The following ACBD6 variants were observed in gnomAD, a reference collection of about 807,000 sequenced individuals.
ACBD6 encodes acyl-CoA binding domain containing 6.
A neutral mutation model predicts 37.2 loss-of-function variants in ACBD6; 28 were observed. That is an observed-to-expected ratio of 0.75 (90% CI 0.56 to 1.03). The LOEUF (loss-of-function observed/expected upper bound fraction) is 1.03. Ranked by LOEUF, ACBD6 falls within the 50% of genes least tolerant of loss-of-function variation. The pLI is 0.00. For synonymous variants in ACBD6, 113 were observed against 126.8 expected (o/e 0.89, Z 0.73); for missense variants, 340 against 337.4 (o/e 1.01, Z -0.06).
At chr1:180,341,116 G>A (rs1450700392) in intron 6 of ACBD6, among the ~76,000 whole-genome samples, 1 of 152,038 alleles carries the variant, frequency 6.6e-6, no homozygotes, top group African/African-American at 2.4e-5. Flanking sequence ...TCTGCTTTCT[G>A]AAAGTCTACT....
rs1246377510 is a variant in ACBD6 at position 180,435,231 on chromosome 1, G to C, written c.385-4969C>G. 3.0e-6 allele frequency: 2 copies of C among 672,430 alleles called. 1 individual carries two copies. The highest frequency in any genetic ancestry group is 5.9e-5 in the East Asian group (2 of 34,122). The allele number at this position is 672,430 out of a possible 1,614,324, so 41.7% of individuals were successfully genotyped here. A position where few individuals can be genotyped will look rare whatever the true frequency, so the allele number is the denominator to read the frequency against. On this transcript the variant is annotated intron_variant, in intron 3 of 7. Coordinates refer to ENST00000367595, the MANE Select transcript of ACBD6 (RefSeq NM_032360.4). ...GGGTACTCTGGTGCTGGGTTACGAG[G>C]GCTGGCTGGCCGGCTACCAGATGCA...
In ACBD6 at chr1:180,301,028, T is replaced by C. The variant is rs1451865524; in HGVS notation, c.695-12511A>G. 2.6e-5 allele frequency among the ~76,000 whole-genome samples: 4 copies of C among 152,168 alleles called. No homozygotes were observed. In the East Asian group the frequency reaches 7.7e-4, roughly 29 times the overall value. On this transcript the variant is annotated intron_variant, in intron 7 of 7. Coordinates refer to ENST00000367595, the MANE Select transcript of ACBD6 (RefSeq NM_032360.4). ...GTGTCTTGGCTCTGCAACCTACAGC[T>C]TGGATTACCCTGTCAAGGTAACATC...
chr1:180,374,388 T>C (rs1243397003), intron 6 of ACBD6, among the ~76,000 whole-genome samples: 1 of 152,204 alleles, frequency 6.6e-6, no homozygotes, highest in Non-Finnish European at 1.5e-5. Context: ...TCTTCCTCAG[T>C]ACCTGAAACA....
intron 5 of ACBD6, among the ~76,000 whole-genome samples, chr1:180,404,609 C>A (rs1177046948): frequency 6.6e-6 from 1 of 152,042 alleles, no homozygotes; most frequent in East Asian, 1.9e-4. Flanking sequence ...AGGCATGTGC[C>A]ACCATGCTCA....
At chr1:180,302,002 A>C (rs1650148263) in intron 7 of ACBD6, among the ~76,000 whole-genome samples, 1 of 150,680 alleles carries the variant, frequency 6.6e-6, no homozygotes. Context: ...TGAGTGTATA[A>C]GTTTTGATAA....
intron 3 of ACBD6, among the ~76,000 whole-genome samples, chr1:180,487,435 G>T (rs577752217): frequency 1.3e-5 from 2 of 151,972 alleles, no homozygotes; most frequent in Non-Finnish European, 2.9e-5. Flanking sequence ...ACTGCATCCC[G>T]CCTAGAACAC....
intron 3 of ACBD6, among the ~76,000 whole-genome samples, chr1:180,482,781 C>A (rs1311147091): frequency 6.6e-6 from 1 of 152,096 alleles, no homozygotes; most frequent in Non-Finnish European, 1.5e-5. Context: ...ATTTAGAGCT[C>A]AGTGTTACGG....
intron 6 of ACBD6, among the ~76,000 whole-genome samples, chr1:180,377,397 A>C (rs1204827073): frequency 1.3e-5 from 2 of 152,238 alleles, no homozygotes; most frequent in African/African-American, 4.8e-5. Context: ...AGGATTGAGC[A>C]CATCTAGTGT....
intron 7 of ACBD6, 121 bp from the exon 8 acceptor site, chr1:180,288,638 G>C: frequency 8.5e-7 from 1 of 1,181,754 alleles, no homozygotes; most frequent in Admixed American, 2.0e-5. Context: ...CAATGTTACA[G>C]TGACTGAAGG....
intron 7 of ACBD6, among the ~76,000 whole-genome samples, chr1:180,295,913 A>C (rs1649898580): frequency 6.6e-6 from 1 of 152,184 alleles, no homozygotes; most frequent in South Asian, 2.1e-4. Context: ...AGTAAAAGGA[A>C]GAGTCACACA....
intron 8 of ACBD6, among the ~76,000 whole-genome samples, chr1:180,282,679 G>A (rs961789539): frequency 1.7e-4 from 26 of 152,260 alleles, no homozygotes; most frequent in African/African-American, 6.3e-4. Flanking sequence ...GTCAACTGCA[G>A]GGCTTAAAGC....
In ACBD6 at chr1:180,274,114, T is replaced by C. The variant is rs79358478; in HGVS notation, c.*937-2A>G. The C allele has an allele frequency of 1.4e-3, 2,260 of 1,584,824 alleles. 58 individuals are homozygous for C. In the East Asian group the frequency reaches 0.04, roughly 28 times the overall value. ...CATCTTTCCTGGTCATGTGTGTTCC[T>C]AGGTTGTGAAGAGCAGGGGACCATC... On this transcript the variant is annotated splice_acceptor_variant, in intron 10 of 13. Coordinates refer to the ACBD6 transcript ENST00000642319. LOFTEE classifies it low-confidence loss of function (3UTR_SPLICE).
intron 6 of ACBD6, among the ~76,000 whole-genome samples, chr1:180,373,243 T>C (rs1183008551): frequency 6.6e-6 from 1 of 152,232 alleles, no homozygotes; most frequent in Non-Finnish European, 1.5e-5. Context: ...CACTGAAATT[T>C]CTCCTAATTT....
intron 3 of ACBD6, among the ~76,000 whole-genome samples, chr1:180,469,758 T>C (rs1233950094): frequency 6.6e-6 from 1 of 152,184 alleles, no homozygotes; most frequent in Non-Finnish European, 1.5e-5. Context: ...ATGTGCAGGT[T>C]AACATTCACT....
intron 6 of ACBD6, among the ~76,000 whole-genome samples, chr1:180,371,984 T>C (rs574535820): frequency 2.0e-4 from 31 of 152,288 alleles, no homozygotes; most frequent in Admixed American, 2.0e-3. Flanking sequence ...TTCCCCACAG[T>C]CACGTGGTAG....
intron 4 of ACBD6, among the ~76,000 whole-genome samples, chr1:180,427,126 A>G (rs1020148557): frequency 1.3e-5 from 2 of 152,216 alleles, no homozygotes. Flanking sequence ...GCTCAAACTC[A>G]TAACTCATCA....
chr1:180,485,621 T>C (rs1398205254), intron 3 of ACBD6, among the ~76,000 whole-genome samples: 1 of 152,186 alleles, frequency 6.6e-6, no homozygotes, highest in African/African-American at 2.4e-5. Context: ...ACAGGGAGCA[T>C]GGCTCTACTA....
intron 7 of ACBD6, among the ~76,000 whole-genome samples, chr1:180,289,267 A>G (rs148617996): frequency 1.1e-3 from 164 of 152,346 alleles, no homozygotes; most frequent in South Asian, 3.9e-3. Flanking sequence ...TAAAGACCCA[A>G]TGATTAGATG....
intron 2 of ACBD6, among the ~76,000 whole-genome samples, chr1:180,493,264 A>AAAAAAC (rs1651586067): frequency 7.1e-6 from 1 of 141,098 alleles, no homozygotes; most frequent in Non-Finnish European, 1.5e-5. Flanking sequence ...AAAAAAAAAA[A>AAAAAAC]AAAAAAAAAA....
Sources: gnomAD v4.1 joint callset for allele counts (sites outside exome capture counted in the v4.1 genomes callset) on GRCh38, gnomAD v4.1.1 for gene constraint, MANE v1.5 for transcripts, NCBI Gene and HGNC (gene_info 2026-07-23, HGNC 2026-07-21) for gene names.